ANKS1B: variants seen among roughly 807,000 people sequenced by gnomAD.
The protein encoded by ANKS1B is ankyrin repeat and sterile alpha motif domain containing 1B, also known as ankyrin repeat and sterile alpha motif domain-containing protein 1B.
In ANKS1B, 36 loss-of-function variants were observed where a neutral mutation model predicts 148.3. The ratio of observed to expected loss-of-function variants is 0.24; its 90% CI spans 0.19 to 0.32. The LOEUF (loss-of-function observed/expected upper bound fraction) is 0.32. Among genes scored for constraint, ANKS1B ranks in the 10% least tolerant of loss-of-function variants. ANKS1B has a pLI of 1.00. For missense variants in ANKS1B, 1,157 were observed against 1,542.6 expected (o/e 0.75, Z 4.19); for synonymous variants, 542 against 560.8 (o/e 0.97, Z 0.47).
At chr12:98,850,408 T>G (rs561280957) in intron 17 of ANKS1B, among the ~76,000 whole-genome samples, 1 of 151,648 alleles carries the variant, frequency 6.6e-6, no homozygotes, top group Non-Finnish European at 1.5e-5. Context: ...TTTGGAGGCT[T>G]ATACATTGTT....
chr12:99,361,690 T>A (rs916760949), intron 12 of ANKS1B, among the ~76,000 whole-genome samples: 3 of 152,082 alleles, frequency 2.0e-5, no homozygotes, highest in Non-Finnish European at 4.4e-5. Context: ...TCTTTAAATT[T>A]GAATATCTAT....
intron 1 of ANKS1B, among the ~76,000 whole-genome samples, chr12:99,827,069 T>C (rs1419200478): frequency 4.6e-5 from 7 of 151,668 alleles, no homozygotes; most frequent in African/African-American, 7.3e-5. Flanking sequence ...CAGTGAACCA[T>C]AATCATGCCA....
chr12:98,735,809 A>C (rs560805735), intron 9 of ANKS1B, among the ~76,000 whole-genome samples: 148 of 152,280 alleles, frequency 9.7e-4, no homozygotes, highest in African/African-American at 3.5e-3. Flanking sequence ...AGAAAAAGTA[A>C]ATAAGTAAAA....
intron 17 of ANKS1B, among the ~76,000 whole-genome samples, chr12:98,879,215 T>A (rs1305344623): frequency 6.6e-6 from 1 of 152,214 alleles, no homozygotes; most frequent in African/African-American, 2.4e-5. Context: ...GGAAACTTCA[T>A]AAAATAACAG....
chr12:99,756,631 C>T (rs1601528520), intron 8 of ANKS1B, among the ~76,000 whole-genome samples: 1 of 152,018 alleles, frequency 6.6e-6, no homozygotes, highest in East Asian at 1.9e-4. Flanking sequence ...CAATTCTAAG[C>T]AAAAAGAACA....
chr12:99,510,768 T>C (rs7316552), intron 9 of ANKS1B, among the ~76,000 whole-genome samples: 5 of 152,016 alleles, frequency 3.3e-5, no homozygotes, highest in African/African-American at 1.2e-4. Flanking sequence ...TAAAATGCTA[T>C]CAAACAGCTT....
At chr12:98,913,124 A>AT (rs548005964) in intron 17 of ANKS1B, among the ~76,000 whole-genome samples, 16 of 151,968 alleles carry the variant, frequency 1.1e-4, no homozygotes, top group Admixed American at 2.6e-4. Flanking sequence ...AGTCTAACTC[A>AT]TTTTTTTTGG....
At chr12:99,715,148 A>G (rs1436478083) in intron 8 of ANKS1B, among the ~76,000 whole-genome samples, 1 of 151,982 alleles carries the variant, frequency 6.6e-6, no homozygotes, top group Admixed American at 6.6e-5. Flanking sequence ...AATAATAAAT[A>G]AATAAATAAA....
At chr12:99,801,727 A>G (rs989160368) in intron 4 of ANKS1B, among the ~76,000 whole-genome samples, 2 of 152,194 alleles carry the variant, frequency 1.3e-5, no homozygotes, top group African/African-American at 4.8e-5. Flanking sequence ...GGTACAGTTG[A>G]GAAAGAAAAA....
In ANKS1B at chr12:98,829,987, C is replaced by T. The variant is rs2099284368; in HGVS notation, c.2887-634G>A. Among the ~76,000 whole-genome samples, 1 of 152,188 alleles carries T rather than the reference C, an allele frequency of 6.6e-6. No homozygotes were observed. Among genetic ancestry groups the T allele is most frequent in the Non-Finnish European group, 1.5e-5 (1 of 68,044 alleles). The stretch of plus-strand genomic sequence containing the variant: ...GAGGATTGGGATCATGGTGTTTCTC[C>T]AGATCCCTTCTCCTCCGGATATTCT... On this transcript the variant is annotated intron_variant, in intron 18 of 26. Transcript: ENST00000683438. This position sits in a 1 kb window ranked among gnomAD's most constrained non-coding sequence, Gnocchi z 5.2.
rs952766182 is a variant in ANKS1B at position 99,857,650 on chromosome 12, T to C, written c.135-32261A>G. ...AACCTCAAACTATACTAAAAGGCAA[T>C]AGTCACCAAAACAACATAGTACTGG... On this transcript the variant is annotated intron_variant, in intron 1 of 26. Coordinates refer to ENST00000683438, the MANE Select transcript of ANKS1B (RefSeq NM_001352186.2). 7.9e-5 allele frequency among the ~76,000 whole-genome samples: 12 copies of C among 152,056 alleles called. No individual in the cohort carries two copies. In the South Asian group the frequency reaches 2.5e-3, roughly 32 times the overall value.
At chr12:99,825,253 A>T in intron 2 of ANKS1B, 56 bp downstream of exon 2, 1 of 1,421,882 alleles carries the variant, frequency 7.0e-7, no homozygotes, top group Non-Finnish European at 9.8e-7. Context: ...AGACATAATT[A>T]ACTTCATCAC....
rs181714985 is a variant in ANKS1B, at chr12:99,519,893, T to A, written c.1273-15252A>T. ...CCATCTAATAATCCATTATTTTAAC[T>A]GGTGACAATTTAACAATGATTGCTT... On this transcript the variant is annotated intron_variant, in intron 9 of 26. Coordinates refer to ENST00000683438, the MANE Select transcript of ANKS1B (RefSeq NM_001352186.2). 5.3e-5 allele frequency among the ~76,000 whole-genome samples: 8 copies of A among 152,322 alleles called. No homozygotes were observed. The East Asian group carries it at 1.5e-3, about 29-fold the overall frequency.
chr12:99,111,185 A>G (rs2060212843), intron 15 of ANKS1B, among the ~76,000 whole-genome samples: 1 of 152,208 alleles, frequency 6.6e-6, no homozygotes, highest in African/African-American at 2.4e-5. Context: ...GAATGGCAGA[A>G]TGCTCCTTCT....
intron 10 of ANKS1B, among the ~76,000 whole-genome samples, chr12:99,485,464 T>C (rs2096476295): frequency 6.6e-6 from 1 of 152,178 alleles, no homozygotes; most frequent in African/African-American, 2.4e-5. Context: ...GATAACCTGA[T>C]GACTATATGC....
At chr12:99,125,302 C>A (rs2064008565) in intron 15 of ANKS1B, among the ~76,000 whole-genome samples, 1 of 152,084 alleles carries the variant, frequency 6.6e-6, no homozygotes, top group African/African-American at 2.4e-5. Flanking sequence ...GTACTAGGAA[C>A]ACAGAAATGA....
chr12:99,934,326 A>G (rs1181331200), intron 1 of ANKS1B, among the ~76,000 whole-genome samples: 2 of 152,112 alleles, frequency 1.3e-5, no homozygotes, highest in Admixed American at 6.5e-5. Flanking sequence ...ATTTTTCAGA[A>G]TAGTTTGAGT....
At chr12:99,552,229 C>T (rs12305052) in intron 9 of ANKS1B, among the ~76,000 whole-genome samples, 2,137 of 152,186 alleles carry the variant, frequency 0.014, 53 homozygotes, top group African/African-American at 0.049. Flanking sequence ...TTGTGAAATA[C>T]TTGTCTTCCA....
chr12:99,793,621 C>T (rs2153647246), intron 4 of ANKS1B, among the ~76,000 whole-genome samples: 1 of 152,096 alleles, frequency 6.6e-6, no homozygotes, highest in Non-Finnish European at 1.5e-5. Context: ...TATCCATATG[C>T]AGAACAATGA....
Sources: allele counts gnomAD v4.1 joint callset (sites outside exome capture counted in the v4.1 genomes callset), GRCh38; gene constraint gnomAD v4.1.1; non-coding constraint Gnocchi (gnomAD v3.1); transcripts MANE v1.5; gene names NCBI Gene and HGNC (gene_info 2026-07-23, HGNC 2026-07-21).